RGS5: variants seen among roughly 807,000 people sequenced by gnomAD.
RGS5 encodes regulator of G protein signaling 5, also known as regulator of G-protein signalling 5.
RGS5 carries 20 observed loss-of-function variants against 18.9 expected under a neutral mutation model. That is an observed-to-expected ratio of 1.06 (90% CI 0.74 to 1.54). The LOEUF (loss-of-function observed/expected upper bound fraction) is 1.54, where lower values mean the gene tolerates loss of function less well. RGS5 is among the 40% of genes most tolerant of loss of function. The probability of loss-of-function intolerance (pLI) is 0.00; values close to 1 mark genes in which losing one functional copy is unlikely to be tolerated. For synonymous variants in RGS5, 57 were observed against 76.2 expected, an observed-to-expected ratio of 0.75 and a Z score of 1.31; for missense variants, 201 against 211.8, an observed-to-expected ratio of 0.95 and a Z score of 0.32.
intron 3 of RGS5, among the ~76,000 whole-genome samples, chr1:163,153,548 G>T (rs901268795): frequency 5.3e-5 from 8 of 151,918 alleles, no homozygotes; most frequent in Admixed American, 4.6e-4. Flanking sequence ...AATGCAATAT[G>T]ATTATAGCTA....
intron 2 of RGS5, among the ~76,000 whole-genome samples, chr1:163,243,207 C>T (rs61812163): frequency 0.11 from 16,916 of 152,104 alleles, 1,262 homozygotes; most frequent in South Asian, 0.21. Flanking sequence ...AACCAAACAC[C>T]GCATGTTCTC....
chr1:163,266,292 C>G (rs1397422862), intron 2 of RGS5, among the ~76,000 whole-genome samples: 1 of 152,144 alleles, frequency 6.6e-6, no homozygotes, highest in Non-Finnish European at 1.5e-5. Context: ...TAATATGTCT[C>G]ATATTCACTC....
chr1:163,319,518 G>A (rs1019796316), intron 1 of RGS5, among the ~76,000 whole-genome samples: 1 of 152,204 alleles, frequency 6.6e-6, no homozygotes, highest in Non-Finnish European at 1.5e-5. Flanking sequence ...TTAAAGGATT[G>A]TCAGGAATCA....
intron 1 of RGS5, among the ~76,000 whole-genome samples, chr1:163,308,962 A>C (rs1649781405): frequency 6.6e-6 from 1 of 152,238 alleles, no homozygotes; most frequent in Non-Finnish European, 1.5e-5. Context: ...TATTGCTAAA[A>C]AATGCTAATG....
chr1:163,307,413 T>C (rs1649733515), intron 1 of RGS5, among the ~76,000 whole-genome samples: 1 of 152,226 alleles, frequency 6.6e-6, no homozygotes, highest in Admixed American at 6.5e-5. Context: ...GAGAACTTTT[T>C]TTTTTAACAG....
In RGS5 at chr1:163,306,568, T is replaced by A. The variant is rs566635764; in HGVS notation, c.-377-239A>T. On this transcript the variant is annotated intron_variant, in intron 1 of 5. Transcript: ENST00000618415. ...GTGAGCCATGTTTTATGGGTTGAAT[T>A]GTGTCCTCTAAAAGAGATATGTTGA... 9.8e-4 allele frequency among the ~76,000 whole-genome samples: 149 copies of A among 152,348 alleles called. 4 individuals carry two copies. The highest frequency in any genetic ancestry group is 8.0e-3 in the Admixed American group (122 of 15,298).
At chr1:163,275,293 C>A (rs1029570096) in intron 2 of RGS5, among the ~76,000 whole-genome samples, 2 of 151,476 alleles carry the variant, frequency 1.3e-5, no homozygotes, top group Non-Finnish European at 2.9e-5. Context: ...CTAGGACATT[C>A]AATAAATCTT....
chr1:163,205,345 T>TA (rs35747068), upstream of RGS5, among the ~76,000 whole-genome samples: 17,024 of 72,638 alleles, frequency 0.23, 1,869 homozygotes, highest in African/African-American at 0.37. Flanking sequence ...TTAACCACAG[T>TA]AAAAAAAAAA....
At chr1:163,182,301 G>A (rs1187723142) in intron 1 of RGS5, among the ~76,000 whole-genome samples, 1 of 152,150 alleles carries the variant, frequency 6.6e-6, no homozygotes, top group Admixed American at 6.5e-5. Context: ...TCTTCATTGG[G>A]AACTCCTATG....
intron 2 of RGS5, among the ~76,000 whole-genome samples, chr1:163,294,246 A>G (rs1191362578): frequency 6.6e-6 from 1 of 152,208 alleles, no homozygotes; most frequent in Non-Finnish European, 1.5e-5. Context: ...CCTGCAGCAG[A>G]CTTCTGTCAG....
intron 2 of RGS5, among the ~76,000 whole-genome samples, chr1:163,261,060 A>G (rs1276520698): frequency 2.0e-5 from 3 of 152,052 alleles, no homozygotes; most frequent in Non-Finnish European, 4.4e-5. Context: ...TGAGGCCTCA[A>G]ATTCAGATGT....
chr1:163,231,754 TAAA>T (rs59080668), intron 2 of RGS5, among the ~76,000 whole-genome samples: 2 of 133,356 alleles, frequency 1.5e-5, no homozygotes, highest in Non-Finnish European at 3.2e-5. Context: ...GTGGTAAAAT[TAAA>T]AAAAAAAAAA....
At chr1:163,173,842 G>A (rs767056614) in intron 1 of RGS5, among the ~76,000 whole-genome samples, 30 of 152,126 alleles carry the variant, frequency 2.0e-4, no homozygotes, top group African/African-American at 3.9e-4. Context: ...TTAGGAGGCC[G>A]AGGTGGGTGG....
intron 3 of RGS5, among the ~76,000 whole-genome samples, chr1:163,156,764 T>C (rs1418078360): frequency 2.0e-5 from 3 of 152,204 alleles, no homozygotes; most frequent in African/African-American, 7.2e-5. Flanking sequence ...TTTTATTTCA[T>C]GGGCAAGTTA....
chr1:163,294,689 C>T (rs1444792662), intron 2 of RGS5, among the ~76,000 whole-genome samples: 1 of 152,186 alleles, frequency 6.6e-6, no homozygotes, highest in Non-Finnish European at 1.5e-5. Flanking sequence ...ATGGGGTTTT[C>T]TTTTCTATTG....
Position 163,250,450 on chromosome 1 carries a change from T to C in RGS5, c.-281+55783A>G, listed in dbSNP as rs998980260. On this transcript the variant is annotated intron_variant, in intron 2 of 5. Transcript: ENST00000618415. ...TGAAGGTGATGTGGTGATTATGGCA[T>C]TATAATTGAGTCATTACAGCTTTGA... Among the ~76,000 whole-genome samples, 8 of 152,342 alleles carry C rather than the reference T, an allele frequency of 5.3e-5. No individual in the cohort carries two copies. In the East Asian group the frequency reaches 9.6e-4, roughly 18 times the overall value.
chr1:163,168,374 A>G lies in RGS5; in HGVS notation c.45-6T>C. 1.2e-6 allele frequency: 2 copies of G among 1,606,222 alleles called. No individual in the cohort carries two copies. The highest frequency in any genetic ancestry group is 1.7e-6 in the Non-Finnish European group (2 of 1,172,922). On this transcript the variant is annotated splice_region_variant and splice_polypyrimidine_tract_variant and intron_variant, in intron 1 of 4. Coordinates refer to ENST00000313961, the MANE Select transcript of RGS5 (RefSeq NM_003617.4). ...TGATCTTAATCTCCTTGGCCCTGAA[A>G]GAAGAGACACAAGGGGAAATGAGGA...
At chr1:163,178,537 C>T (rs1658665977) in intron 1 of RGS5, among the ~76,000 whole-genome samples, 1 of 152,042 alleles carries the variant, frequency 6.6e-6, no homozygotes, top group Non-Finnish European at 1.5e-5. Context: ...GAGACTTGAT[C>T]CTAAAAGCAC....
At chr1:163,161,100 T>C (rs1029786347) in intron 3 of RGS5, among the ~76,000 whole-genome samples, 3 of 152,154 alleles carry the variant, frequency 2.0e-5, no homozygotes, top group African/African-American at 4.8e-5. Flanking sequence ...CATTTCTTAT[T>C]TGAATTATCT....
Sources: gnomAD v4.1 joint callset for allele counts (sites outside exome capture counted in the v4.1 genomes callset) on GRCh38, gnomAD v4.1.1 for gene constraint, MANE v1.5 for transcripts, NCBI Gene and HGNC (gene_info 2026-07-23, HGNC 2026-07-21) for gene names.